PLEKHG7: variants seen among roughly 807,000 people sequenced by gnomAD.
The protein encoded by PLEKHG7 is pleckstrin homology and RhoGEF domain containing G7, also known as pleckstrin homology domain-containing family G member 7.
A neutral mutation model predicts 85.2 loss-of-function variants in PLEKHG7; 77 were observed. The observed-to-expected ratio is 0.90, with a 90% CI of 0.75 to 1.09. PLEKHG7 has a LOEUF of 1.09. Among genes scored for constraint, PLEKHG7 ranks in the 50% least tolerant of loss-of-function variants. The probability of loss-of-function intolerance (pLI) is 0.00; values close to 1 mark genes in which losing one functional copy is unlikely to be tolerated. For synonymous variants in PLEKHG7, 301 were observed against 302.4 expected (o/e 1.00, Z 0.05); for missense variants, 777 against 804.3 (o/e 0.97, Z 0.41).
chr12:92,706,103 C>T (rs554339930), intron 1 of PLEKHG7, among the ~76,000 whole-genome samples: 1 of 152,270 alleles, frequency 6.6e-6, no homozygotes, highest in South Asian at 2.1e-4. Flanking sequence ...TATGTACATA[C>T]ATACATAAAT....
intron 1 of PLEKHG7, among the ~76,000 whole-genome samples, chr12:92,704,107 C>A (rs571205918): frequency 6.6e-6 from 1 of 152,112 alleles, no homozygotes; most frequent in Admixed American, 6.5e-5. Flanking sequence ...CCTATTGATT[C>A]AAAATTAGCT....
At chr12:92,714,425 C>T (rs1056311400) in intron 3 of PLEKHG7, among the ~76,000 whole-genome samples, 1 of 152,168 alleles carries the variant, frequency 6.6e-6, no homozygotes, top group African/African-American at 2.4e-5. Flanking sequence ...CATTCTTTTC[C>T]AATCAATGCC....
At chr12:92,757,524 A>AT (rs1474032511) in intron 13 of PLEKHG7, among the ~76,000 whole-genome samples, 1 of 152,182 alleles carries the variant, frequency 6.6e-6, no homozygotes, top group Admixed American at 6.5e-5. Flanking sequence ...TTAGGACATA[A>AT]TCCCCACCTG....
At chr12:92,743,236 T>C (rs1872420179) in intron 9 of PLEKHG7, among the ~76,000 whole-genome samples, 1 of 152,172 alleles carries the variant, frequency 6.6e-6, no homozygotes, top group Non-Finnish European at 1.5e-5. Context: ...AAGCACTCAC[T>C]GGCTCTTTGA....
intron 14 of PLEKHG7, among the ~76,000 whole-genome samples, chr12:92,763,829 A>T (rs1309592904): frequency 2.6e-5 from 4 of 152,076 alleles, no homozygotes; most frequent in East Asian, 1.9e-4. Context: ...AAGAAAAAAA[A>T]TTTTATTAAT....
intron 9 of PLEKHG7, among the ~76,000 whole-genome samples, chr12:92,744,656 C>CT (rs869270724): frequency 2.3e-3 from 316 of 138,126 alleles, no homozygotes; most frequent in East Asian, 7.8e-3. Flanking sequence ...TCCCAAATTT[C>CT]TTTTTTTTTT....
chr12:92,751,775 C>A (rs1872696873), intron 10 of PLEKHG7, among the ~76,000 whole-genome samples: 1 of 152,060 alleles, frequency 6.6e-6, no homozygotes, highest in Admixed American at 6.5e-5. Flanking sequence ...GTAATCCCAG[C>A]ACTTTGGGAG....
chr12:92,715,032 AT>A (rs1349058908), intron 3 of PLEKHG7, among the ~76,000 whole-genome samples: 4 of 151,442 alleles, frequency 2.6e-5, no homozygotes, highest in African/African-American at 9.7e-5. Context: ...AGATAGATAG[AT>A]AGATAGATAG....
At chr12:92,729,226 C>A (rs1260419621) in intron 4 of PLEKHG7, 106 bp downstream of exon 4, 9 of 1,182,500 alleles carry the variant, frequency 7.6e-6, no homozygotes, top group African/African-American at 1.6e-5. Context: ...AATATATGCA[C>A]TGACCTGTTA....
intron 5 of PLEKHG7, among the ~76,000 whole-genome samples, chr12:92,732,757 A>G (rs979097260): frequency 6.6e-6 from 1 of 152,180 alleles, no homozygotes; most frequent in African/African-American, 2.4e-5. Flanking sequence ...GGCTCCATCA[A>G]TAATTGACGA....
intron 3 of PLEKHG7, among the ~76,000 whole-genome samples, chr12:92,722,359 G>A (rs1871673354): frequency 6.6e-6 from 1 of 152,102 alleles, no homozygotes; most frequent in African/African-American, 2.4e-5. Flanking sequence ...GCTTTCCTAG[G>A]TCTCTGCATG....
chr12:92,758,416 T>A (rs1379557024), intron 13 of PLEKHG7, among the ~76,000 whole-genome samples: 1 of 152,200 alleles, frequency 6.6e-6, no homozygotes, highest in Non-Finnish European at 1.5e-5. Context: ...GATAATGCCA[T>A]GAGTGGTAGA....
At chr12:92,767,078 T>C (rs1409815965) in intron 15 of PLEKHG7, among the ~76,000 whole-genome samples, 2 of 152,168 alleles carry the variant, frequency 1.3e-5, no homozygotes, top group African/African-American at 4.8e-5. Flanking sequence ...TCTGTGACCT[T>C]GGAAAAATTA....
At chr12:92,761,623 GAAGAAAGAAAGAA>G (rs1472999872) in intron 13 of PLEKHG7, 116 bp from the exon 14 acceptor site, 177 of 718,940 alleles carry the variant, frequency 2.5e-4, no homozygotes, top group African/African-American at 2.1e-3. Context: ...AAGAAAGAAA[GAAGAAAGAAAGAA>G]AGAAAGAAAG....
rs757462858 is a variant in PLEKHG7 at position 92,755,836 on chromosome 12, G to A, written c.1438G>A (p.Gly480Arg). The A allele has an allele frequency of 1.2e-5, 20 of 1,611,204 alleles. No homozygotes were observed. The highest frequency in any genetic ancestry group is 4.5e-5 in the East Asian group (2 of 44,860). ...GTCATGTCTTTCAGGGGACCTTGAA[G>A]GAAAAGTGAAGTGGCTGGACAATTT... Reference protein sequence around the residue: ...KVEKSIRDLEGKVKWLDNFQK... With the variant: ...KVEKSIRDLERKVKWLDNFQK... Residue 480 changes from glycine (G) to arginine (R), a missense_variant, in exon 12 of 17, where the codon GGA (glycine) becomes AGA (arginine). By Grantham distance (125) the Gly-to-Arg change is moderately radical (BLOSUM62 -2). Around this residue, in one of 3 missense-constraint regions of PLEKHG7, gnomAD observed 520 missense variants for 544.0 expected, o/e 0.96. Transcript: ENST00000344636.
rs760170614 is a variant in PLEKHG7 at position 92,727,962 on chromosome 12, G to GTGTGTGTGTGTA, written c.531-1030_531-1029insGTGTGTGTGTAT. 7.2e-3 allele frequency among the ~76,000 whole-genome samples: 691 copies of GTGTGTGTGTGTA among 96,578 alleles called. 65 individuals are homozygous for GTGTGTGTGTGTA. The highest frequency in any genetic ancestry group is 0.024 in the South Asian group (63 of 2,594). 63.4% of individuals were successfully genotyped at this position (96,578 alleles called of 152,430 possible). ...TGTGTGTGTGTGTGTGTGTGTGTGTGTATATATATATATACACATATATAC... is the reference window on the plus strand; with the variant it reads ...TGTGTGTGTGTGTGTGTGTGTGTGTGTGTGTGTGTGTATATATATATATATACACATATATAC... On this transcript the variant is annotated intron_variant, in intron 3 of 16. Coordinates refer to ENST00000344636, the MANE Select transcript of PLEKHG7 (RefSeq NM_001377329.1).
chr12:92,749,853 A>ATATTTTATTT, intron 10 of PLEKHG7: 1 of 148,646 alleles, frequency 6.7e-6, no homozygotes, highest in East Asian at 2.0e-4. Context: ...ATTTATTAGG[A>ATATTTTATTT]TATTTTATTT....
intron 16 of PLEKHG7, 72 bp from the exon 17 acceptor site, chr12:92,770,016 C>G: frequency 1.0e-6 from 1 of 994,286 alleles, no homozygotes; most frequent in Non-Finnish European, 1.5e-6. Context: ...AAAATATTAG[C>G]CCAAATATGT....
rs372850462 is a variant in PLEKHG7 at position 92,761,831 on chromosome 12, G to T, written c.1716G>T (p.Lys572Asn). The T allele has an allele frequency of 3.2e-6, 5 of 1,569,402 alleles. No individual in the cohort carries two copies. The highest frequency in any genetic ancestry group is 4.0e-5 in the Admixed American group (2 of 50,098). ...LLVTKTKCNK[K>N]KLGGSDPGLM... ...TTACGAAAACTAAGTGCAACAAAAA[G>T]GTAAAATGCTGCTATTTCAAAGTAC... The change falls in exon 14 of 17, where the codon AAG becomes AAT. Residue 572 changes from lysine (K) to asparagine (N), a missense_variant and splice_region_variant. Transcript: ENST00000344636.
Sources: allele counts gnomAD v4.1 joint callset (sites outside exome capture counted in the v4.1 genomes callset), GRCh38; gene constraint gnomAD v4.1.1; regional missense constraint gnomAD v4.1.1; transcripts MANE v1.5; gene names NCBI Gene and HGNC (gene_info 2026-07-23, HGNC 2026-07-21).